Variants in NEGR1 observed in about 807,000 individuals in gnomAD.
NEGR1 encodes the protein IgLON family member 4.
NEGR1 carries 10 observed loss-of-function variants against 40.9 expected under a neutral mutation model. That is an observed-to-expected ratio of 0.24 (90% CI 0.15 to 0.42). The LOEUF is 0.42. NEGR1 is among the 10% of genes least tolerant of loss of function. The pLI, the probability that NEGR1 is intolerant of heterozygous loss-of-function variation, is 1.00. For synonymous variants in NEGR1, 185 were observed against 166.8 expected (o/e 1.11, Z -0.84); for missense variants, 352 against 438.9 (o/e 0.80, Z 1.77).
chr1:72,216,152 G>A (rs9699942), intron 1 of NEGR1, among the ~76,000 whole-genome samples: 19,506 of 151,430 alleles, frequency 0.13, 1,666 homozygotes, highest in Non-Finnish European at 0.19. Flanking sequence ...ATTGGAAGTC[G>A]TACAACGAGA....
chr1:71,412,525 T>C (rs1646330016), intron 6 of NEGR1, among the ~76,000 whole-genome samples: 1 of 152,222 alleles, frequency 6.6e-6, no homozygotes, highest in African/African-American at 2.4e-5. Context: ...CTGAATCTTA[T>C]ATCAAATGTG....
chr1:72,221,710 T>C (rs1570140126), intron 1 of NEGR1, among the ~76,000 whole-genome samples: 1 of 151,956 alleles, frequency 6.6e-6, no homozygotes, highest in Admixed American at 6.6e-5. Flanking sequence ...GTCCTATTAA[T>C]TTTTTTTACA....
rs1009039354 is a variant in NEGR1 at position 71,405,140 on chromosome 1, T to A, written c.*2306A>T. On this transcript the variant is annotated 3_prime_UTR_variant, in exon 7 of 7. Coordinates refer to ENST00000357731, the MANE Select transcript of NEGR1 (RefSeq NM_173808.3). ...GAGCTATGACTGTACTTCTGTCACATTCTATGGTAAAAACACCAGACTCCA... is the reference window on the plus strand; with the variant it reads ...GAGCTATGACTGTACTTCTGTCACAATCTATGGTAAAAACACCAGACTCCA... 6.6e-5 allele frequency: 10 copies of A among 152,302 alleles called. No homozygotes were observed. Among genetic ancestry groups the A allele is most frequent in the Admixed American group, 6.6e-4 (10 of 15,252 alleles). 9.4% of individuals were successfully genotyped at this position (152,302 alleles called of 1,614,324 possible).
At chr1:71,829,211 G>A (rs1271626143) in intron 2 of NEGR1, among the ~76,000 whole-genome samples, 1 of 151,706 alleles carries the variant, frequency 6.6e-6, no homozygotes, top group Non-Finnish European at 1.5e-5. Flanking sequence ...AACGTTTTTT[G>A]TTGTATCATA....
intron 2 of NEGR1, among the ~76,000 whole-genome samples, chr1:71,894,218 A>G (rs1362371873): frequency 6.8e-6 from 1 of 147,692 alleles, no homozygotes; most frequent in Non-Finnish European, 1.5e-5. Flanking sequence ...AACTTAAAGT[A>G]TAATAATAAT....
At chr1:72,135,415 A>C (rs1345369413) in intron 1 of NEGR1, among the ~76,000 whole-genome samples, 1 of 103,496 alleles carries the variant, frequency 9.7e-6, no homozygotes, top group Non-Finnish European at 1.9e-5. Context: ...AAAAAAAAAA[A>C]CAAAACCAAA....
chr1:72,146,777 C>A lies in NEGR1; in HGVS notation c.176+135542G>T, dbSNP rs949124145. 4.6e-5 allele frequency among the ~76,000 whole-genome samples: 7 copies of A among 152,290 alleles called. No individual in the cohort carries two copies. The South Asian group carries it at 1.5e-3, about 32-fold the overall frequency. On this transcript the variant is annotated intron_variant, in intron 1 of 6. Coordinates refer to ENST00000357731, the MANE Select transcript of NEGR1 (RefSeq NM_173808.3). ...AAGCGTTACTCAACCTCTATTGTATCTGTAAAGCTGATTTAATTTGCTGTT... is the reference window on the plus strand; with the variant it reads ...AAGCGTTACTCAACCTCTATTGTATATGTAAAGCTGATTTAATTTGCTGTT...
intron 1 of NEGR1, among the ~76,000 whole-genome samples, chr1:72,033,843 A>AGGG (rs1646879765): frequency 6.6e-6 from 1 of 152,164 alleles, no homozygotes; most frequent in African/African-American, 2.4e-5. Context: ...AATGCATTTC[A>AGGG]GGGGGATTAT....
chr1:71,597,468 C>CTGTG (rs1331833538), intron 5 of NEGR1, among the ~76,000 whole-genome samples: 6 of 22,224 alleles, frequency 2.7e-4, no homozygotes, highest in Non-Finnish European at 8.3e-4. Context: ...CTCTCTCTCT[C>CTGTG]TCTCTGTGTG....
chr1:71,629,990 T>A (rs942257393), intron 4 of NEGR1, among the ~76,000 whole-genome samples: 9 of 151,940 alleles, frequency 5.9e-5, no homozygotes, highest in Non-Finnish European at 8.8e-5. Context: ...TAAATTGTAA[T>A]GAAAAGACTA....
intron 4 of NEGR1, among the ~76,000 whole-genome samples, chr1:71,642,538 T>A (rs1481690544): frequency 6.6e-6 from 1 of 151,880 alleles, no homozygotes; most frequent in Admixed American, 6.6e-5. Context: ...TCCCATAATC[T>A]TGCTGTAACA....
chr1:71,986,948 T>A (rs1646400249), intron 1 of NEGR1, among the ~76,000 whole-genome samples: 1 of 152,188 alleles, frequency 6.6e-6, no homozygotes, highest in African/African-American at 2.4e-5. Context: ...TCTACAAAAG[T>A]GAAAAATTGC....
At chr1:71,662,578 G>A (rs1353346347) in intron 4 of NEGR1, among the ~76,000 whole-genome samples, 2 of 152,008 alleles carry the variant, frequency 1.3e-5, no homozygotes, top group African/African-American at 4.8e-5. Flanking sequence ...AATAATGGAT[G>A]TATTGCATAA....
At chr1:72,255,546 T>TC (rs1463873156) in intron 1 of NEGR1, among the ~76,000 whole-genome samples, 1 of 128,300 alleles carries the variant, frequency 7.8e-6, no homozygotes, top group Non-Finnish European at 1.8e-5. Flanking sequence ...CAAAAATACT[T>TC]CTTTTTTTTT....
At chr1:71,501,797 A>G (rs967310812) in intron 6 of NEGR1, among the ~76,000 whole-genome samples, 3 of 152,232 alleles carry the variant, frequency 2.0e-5, no homozygotes, top group African/African-American at 7.2e-5. Flanking sequence ...GCTCTTTTAT[A>G]TGTTTGCCCT....
At chr1:71,765,246 T>A (rs943297235) in intron 3 of NEGR1, among the ~76,000 whole-genome samples, 4 of 152,156 alleles carry the variant, frequency 2.6e-5, no homozygotes, top group African/African-American at 9.7e-5. Flanking sequence ...AAAACTTGAA[T>A]GAATTGGGCT....
chr1:72,149,879 C>CAAAAA (rs1180110033), intron 1 of NEGR1, among the ~76,000 whole-genome samples: 47 of 39,056 alleles, frequency 1.2e-3, no homozygotes, highest in African/African-American at 3.2e-3. Context: ...AAAACTCTGT[C>CAAAAA]AAAAAAAAAA....
At chr1:72,023,131 C>T (rs970520192) in intron 1 of NEGR1, among the ~76,000 whole-genome samples, 6 of 152,074 alleles carry the variant, frequency 3.9e-5, no homozygotes, top group Admixed American at 6.5e-5. Context: ...CACTGTACTC[C>T]GGTGTTCTCC....
chr1:72,189,208 T>C (rs1296132948), intron 1 of NEGR1, among the ~76,000 whole-genome samples: 1 of 151,486 alleles, frequency 6.6e-6, no homozygotes, highest in Admixed American at 6.6e-5. Context: ...TTTTGAGCTA[T>C]GTACTCATTC....
Sources: allele counts gnomAD v4.1 joint callset (sites outside exome capture counted in the v4.1 genomes callset), GRCh38; gene constraint gnomAD v4.1.1; transcripts MANE v1.5; gene names NCBI Gene and HGNC (gene_info 2026-07-23, HGNC 2026-07-21).